ADGRA1: variants seen among roughly 807,000 people sequenced by gnomAD.
ADGRA1 encodes G-protein coupled receptor 123.
In ADGRA1, 12 loss-of-function variants were observed where a neutral mutation model predicts 21.3. That is an observed-to-expected ratio of 0.56 (90% confidence interval 0.36 to 0.91). ADGRA1 has a LOEUF of 0.91. Ranked by LOEUF, ADGRA1 falls within the 40% of genes least tolerant of loss-of-function variation. The pLI, the probability that ADGRA1 is intolerant of heterozygous loss-of-function variation, is 0.01. For synonymous variants in ADGRA1, 385 were observed against 368.8 expected (o/e 1.04, Z -0.50); for missense variants, 790 against 805.6 (o/e 0.98, Z 0.23).
Position 133,129,372 on chromosome 10 carries a change from G to T in ADGRA1, c.1544G>T (p.Arg515Leu). The change falls in exon 7 of 7, where the codon CGG becomes CTG. Residue 515 changes from arginine (R) to leucine (L), a missense_variant. This residue lies in a region of ADGRA1 where 391 missense variants were observed against 351.5 expected (regional missense o/e 1.11). Transcript: ENST00000392607. ...ALGPGHLEML[R>L]RTQSLPFGGP... ...GGGCCCGGCCACTTGGAGATGCTGC[G>T]GAGGACACAGTCCCTGCCCTTTGGT... is the stretch of plus-strand genomic sequence containing the variant. 6.2e-7 allele frequency: 1 copy of T among 1,601,678 alleles called. No homozygotes were observed. The highest frequency in any genetic ancestry group is 8.5e-7 in the Non-Finnish European group (1 of 1,176,374).
intron 5 of ADGRA1, among the ~76,000 whole-genome samples, chr10:133,116,921 C>T (rs1007220333): frequency 1.3e-5 from 2 of 152,114 alleles, no homozygotes; most frequent in Admixed American, 1.3e-4. Flanking sequence ...ACCCCCAGTT[C>T]GGGACAGAGG....
chr10:133,111,087 G>A (rs927882203), intron 5 of ADGRA1, among the ~76,000 whole-genome samples: 13 of 150,206 alleles, frequency 8.7e-5, no homozygotes, highest in East Asian at 2.0e-4. Context: ...CCACCTGCCT[G>A]CCATGGGCAG....
rs1269301519 is a variant in ADGRA1 at position 133,088,791 on chromosome 10, T to C, written c.-119T>C. 1.5e-5 allele frequency: 18 copies of C among 1,232,562 alleles called. No homozygotes were observed. The East Asian group carries it at 5.4e-4, about 37-fold the overall frequency. 76.4% of individuals were successfully genotyped at this position (1,232,562 alleles called of 1,614,324 possible). A position where few individuals can be genotyped will look rare whatever the true frequency, so the allele number is the denominator to read the frequency against. On this transcript the variant is annotated 5_prime_UTR_variant, in exon 2 of 7. Transcript: ENST00000392607. ...CGGGAGCGCGACCTCCTGGCCGCCG[T>C]CTGGGACTTTGACCTTCCAGAGGCC...
In ADGRA1 at chr10:133,124,466, G is replaced by A. The variant is rs145062035; in HGVS notation, c.402-2767G>A. ...AAAGGCAGTGGTTGGCCTGACTCGC[G>A]GAAATCACGTAACCCGGAGATGTCC... On this transcript the variant is annotated intron_variant, in intron 5 of 6. Transcript: ENST00000392607. Among the ~76,000 whole-genome samples, 771 of 152,312 alleles carry A rather than the reference G, an allele frequency of 5.1e-3. 12 individuals carry two copies. Among genetic ancestry groups the A allele is most frequent in the African/African-American group, 0.018 (731 of 41,570 alleles).
At position 133,128,290 on chromosome 10, in the gene ADGRA1, G is replaced by A. The variant is rs774674066; in HGVS notation, c.501-39G>A. On this transcript the variant is annotated intron_variant, in intron 6 of 6. Coordinates refer to ENST00000392607, the MANE Select transcript of ADGRA1 (RefSeq NM_001083909.3). The stretch of plus-strand genomic sequence containing the variant: ...GCAGGGGGCGTCCTGAGTCCTGGCC[G>A]TGCTGGCCCCGCTGACACTGACGTG... 2.7e-5 allele frequency: 40 copies of A among 1,459,502 alleles called. No homozygotes were observed. The South Asian group carries it at 5.4e-4, about 20-fold the overall frequency. The allele number at this position is 1,459,502 out of a possible 1,614,324, so 90.4% of individuals were successfully genotyped here.
At chr10:133,094,433 C>T (rs1009889522) in intron 2 of ADGRA1, among the ~76,000 whole-genome samples, 2 of 152,236 alleles carry the variant, frequency 1.3e-5, no homozygotes, top group East Asian at 1.9e-4. Flanking sequence ...TCTGCGCCTC[C>T]GCCCACAGTG....
intron 5 of ADGRA1, among the ~76,000 whole-genome samples, chr10:133,108,348 G>A (rs1443673475): frequency 6.6e-6 from 1 of 152,206 alleles, no homozygotes; most frequent in African/African-American, 2.4e-5. Context: ...GAGAGTTTAG[G>A]AGAAGGACAG....
In ADGRA1 at chr10:133,123,185, G is replaced by A. The variant is rs115930995; in HGVS notation, c.402-4048G>A. Among the ~76,000 whole-genome samples, 784 of 152,280 alleles carry A rather than the reference G, an allele frequency of 5.1e-3. 11 individuals are homozygous for A. Among genetic ancestry groups the A allele is most frequent in the African/African-American group, 0.017 (717 of 41,556 alleles). ...CAAGCCCATCCCTGGCAGGGGCCCC[G>A]CGAGTCCCTCTGCGCCCGTCCCTCT... On this transcript the variant is annotated intron_variant, in intron 5 of 6. Transcript: ENST00000392607.
chr10:133,127,714 A>G (rs1221040709), intron 6 of ADGRA1, among the ~76,000 whole-genome samples: 1 of 151,780 alleles, frequency 6.6e-6, no homozygotes, highest in African/African-American at 2.4e-5. Flanking sequence ...CAGGGCCCTC[A>G]GTTCCTTCTG....
chr10:133,092,897 C>G, intron 2 of ADGRA1: 1 of 1,462,418 alleles, frequency 6.8e-7, no homozygotes, highest in Non-Finnish European at 9.0e-7. Flanking sequence ...GAGCCTGAAC[C>G]TGGAAGAAGG....
chr10:133,123,636 A>T (rs1480046442), intron 5 of ADGRA1, among the ~76,000 whole-genome samples: 4 of 152,130 alleles, frequency 2.6e-5, no homozygotes, highest in Non-Finnish European at 5.9e-5. Flanking sequence ...CAGGGGGATC[A>T]TCCGACAGTC....
intron 5 of ADGRA1, among the ~76,000 whole-genome samples, chr10:133,125,027 C>T (rs576180312): frequency 3.3e-5 from 5 of 152,382 alleles, no homozygotes; most frequent in African/African-American, 1.2e-4. Flanking sequence ...ACTTCTGCGT[C>T]CCCTGGGCCC....
At chr10:133,121,682 A>ATG (rs1484419029) in intron 5 of ADGRA1, among the ~76,000 whole-genome samples, 2 of 104,896 alleles carry the variant, frequency 1.9e-5, no homozygotes, top group East Asian at 3.2e-4. Flanking sequence ...GCATGTGTGC[A>ATG]TGTGAGTGCC....
intron 5 of ADGRA1, among the ~76,000 whole-genome samples, chr10:133,115,427 T>C (rs905640114): frequency 6.6e-6 from 1 of 152,194 alleles, no homozygotes; most frequent in Non-Finnish European, 1.5e-5. Context: ...GCCCTGGATC[T>C]GGCCAAAGAA....
At chr10:133,102,097 A>T (rs1428399685) in intron 4 of ADGRA1, 1 of 408,476 alleles carries the variant, frequency 2.4e-6, no homozygotes, top group African/African-American at 2.1e-5. Context: ...CCCTCGTAAT[A>T]AGCAAACGCA....
chr10:133,093,159 G>A lies in ADGRA1; in HGVS notation c.4-3815G>A, dbSNP rs566376318. 9.6e-5 allele frequency: 153 copies of A among 1,596,490 alleles called. 1 individual carries two copies. In the South Asian group the frequency reaches 1.6e-3, roughly 17 times the overall value. On this transcript the variant is annotated intron_variant, in intron 2 of 6. Transcript: ENST00000392607. ...TCAGCCAGTCGGAGCTGCAGACCTG[G>A]CCCCGGACACCTCACCCGCAGGGAG...
Position 133,088,932 on chromosome 10 carries a change from G to A in ADGRA1, c.3+20G>A. On this transcript the variant is annotated intron_variant, in intron 2 of 6. Coordinates refer to ENST00000392607, the MANE Select transcript of ADGRA1 (RefSeq NM_001083909.3). ...CTCATGGTGAGTACGGGGGTCCCGGGGGTCCTGCAGCTGGGGGCTAGGCCG... is the reference window on the plus strand; with the variant it reads ...CTCATGGTGAGTACGGGGGTCCCGGAGGTCCTGCAGCTGGGGGCTAGGCCG... The A allele has an allele frequency of 2.4e-6, 3 of 1,241,640 alleles. No homozygotes were observed. Among genetic ancestry groups the A allele is most frequent in the Non-Finnish European group, 2.0e-6 (2 of 990,900 alleles). The allele number at this position is 1,241,640 out of a possible 1,614,324, so 76.9% of individuals were successfully genotyped here. A position where few individuals can be genotyped will look rare whatever the true frequency, so the allele number is the denominator to read the frequency against.
Position 133,108,518 on chromosome 10 carries a change from C to T in ADGRA1, c.401+5676C>T, listed in dbSNP as rs189038032. Among the ~76,000 whole-genome samples the T allele has an allele frequency of 4.6e-5, 7 of 152,226 alleles. No homozygotes were observed. The East Asian group carries it at 1.4e-3, about 29-fold the overall frequency. ...TTGGACACAGGACCCCCCAGGCCCA[C>T]AGAGGCACCGGCTCAGCCACCCAAC... On this transcript the variant is annotated intron_variant, in intron 5 of 6. Transcript: ENST00000392607.
chr10:133,122,990 C>T (rs1270808190), intron 5 of ADGRA1, among the ~76,000 whole-genome samples: 1 of 152,244 alleles, frequency 6.6e-6, no homozygotes, highest in Non-Finnish European at 1.5e-5. Context: ...CCGTCGGTAG[C>T]TGGGGCTCCC....
Sources: allele counts gnomAD v4.1 joint callset (sites outside exome capture counted in the v4.1 genomes callset), GRCh38; gene constraint gnomAD v4.1.1; regional missense constraint gnomAD v4.1.1; transcripts MANE v1.5; gene names NCBI Gene and HGNC (gene_info 2026-07-23, HGNC 2026-07-21).